CNTN1: variants seen among roughly 807,000 people sequenced by gnomAD.
CNTN1 encodes the protein contactin 1.
In CNTN1, 38 loss-of-function variants were observed where a neutral mutation model predicts 126.4. The ratio of observed to expected loss-of-function variants is 0.30; its 90% CI spans 0.23 to 0.39. The LOEUF is 0.39. CNTN1 is among the 10% of genes least tolerant of loss of function. The pLI, the probability that CNTN1 is intolerant of heterozygous loss-of-function variation, is 1.00. For synonymous variants in CNTN1, 413 were observed against 422.6 expected (o/e 0.98, Z 0.28); for missense variants, 1,009 against 1,248.4 (o/e 0.81, Z 2.89).
intron 1 of CNTN1, among the ~76,000 whole-genome samples, chr12:40,786,815 T>G (rs1250808657): frequency 1.3e-5 from 2 of 152,186 alleles, no homozygotes; most frequent in Non-Finnish European, 2.9e-5. Context: ...GGGATCTATC[T>G]AGAAGATTCC....
intron 23 of CNTN1, among the ~76,000 whole-genome samples, chr12:41,042,844 C>G (rs1044666923): frequency 6.6e-6 from 1 of 151,892 alleles, no homozygotes; most frequent in Non-Finnish European, 1.5e-5. Context: ...GAAATAATGC[C>G]GCATATCTAC....
At chr12:40,851,072 G>A (rs1942699141) in intron 1 of CNTN1, among the ~76,000 whole-genome samples, 1 of 152,172 alleles carries the variant, frequency 6.6e-6, no homozygotes, top group Admixed American at 6.5e-5. Context: ...GATTGGGACT[G>A]TATTTACTGT....
chr12:40,829,161 G>A (rs12580909), intron 1 of CNTN1, among the ~76,000 whole-genome samples: 14,789 of 151,796 alleles, frequency 0.097, 858 homozygotes, highest in Non-Finnish European at 0.13. Flanking sequence ...CATTTCTTTA[G>A]GATGAGAAAA....
At chr12:40,939,619 CTAAGA>C in intron 12 of CNTN1, 134 bp downstream of exon 12, 1 of 890,364 alleles carries the variant, frequency 1.1e-6, no homozygotes, top group Non-Finnish European at 1.8e-6. Flanking sequence ...TCCTGTAGTT[CTAAGA>C]TGGACAGAAA....
At chr12:40,905,468 C>A (rs1271668717) in intron 1 of CNTN1, among the ~76,000 whole-genome samples, 13 of 152,162 alleles carry the variant, frequency 8.5e-5, no homozygotes, top group Admixed American at 8.5e-4. Flanking sequence ...AGCAACACTG[C>A]AGTAGCATCT....
chr12:40,879,066 G>A (rs968494925), intron 1 of CNTN1, among the ~76,000 whole-genome samples: 3 of 152,134 alleles, frequency 2.0e-5, no homozygotes, highest in Non-Finnish European at 4.4e-5. Flanking sequence ...CCCAGCCTTG[G>A]TTTATTCAGA....
chr12:40,947,543 C>T lies in CNTN1; in HGVS notation c.1683+3373C>T, dbSNP rs73277703. Among the ~76,000 whole-genome samples the T allele has an allele frequency of 7.9e-3, 1,202 of 151,862 alleles. 21 individuals carry two copies. Among genetic ancestry groups the T allele is most frequent in the African/African-American group, 0.027 (1,130 of 41,448 alleles). On this transcript the variant is annotated intron_variant, in intron 14 of 23. Coordinates refer to ENST00000551295, the MANE Select transcript of CNTN1 (RefSeq NM_001843.4). ...ATAACTTTTCTTGTTCCAGAAAAGA[C>T]TTAAGACAATCTATCAAAAATATGA...
intron 1 of CNTN1, among the ~76,000 whole-genome samples, chr12:40,711,708 C>T (rs1022018620): frequency 2.0e-5 from 3 of 151,880 alleles, no homozygotes; most frequent in Non-Finnish European, 4.4e-5. Context: ...TCCTACTCTT[C>T]CACCTTTTCT....
intron 1 of CNTN1, among the ~76,000 whole-genome samples, chr12:40,839,655 G>A (rs1055005136): frequency 6.6e-6 from 1 of 152,110 alleles, no homozygotes; most frequent in African/African-American, 2.4e-5. Flanking sequence ...AGTCAAAAAT[G>A]CTATATCCAG....
chr12:40,767,779 C>T (rs1939177395), intron 1 of CNTN1, among the ~76,000 whole-genome samples: 2 of 152,088 alleles, frequency 1.3e-5, no homozygotes, highest in South Asian at 4.1e-4. Flanking sequence ...GAAAAGTTAT[C>T]AAACTGAGAT....
intron 16 of CNTN1, among the ~76,000 whole-genome samples, chr12:40,985,588 T>C (rs1464273773): frequency 6.6e-6 from 1 of 152,198 alleles, no homozygotes; most frequent in East Asian, 1.9e-4. Context: ...ATTGTTTTAA[T>C]CATAATTCCC....
intron 17 of CNTN1, among the ~76,000 whole-genome samples, chr12:41,011,841 A>C (rs1027467989): frequency 2.0e-5 from 3 of 152,182 alleles, no homozygotes; most frequent in African/African-American, 2.4e-5. Flanking sequence ...CTGACTTAAA[A>C]TCCCCTTACT....
At chr12:40,728,080 C>T (rs1942403452) in intron 1 of CNTN1, among the ~76,000 whole-genome samples, 1 of 152,148 alleles carries the variant, frequency 6.6e-6, no homozygotes, top group Non-Finnish European at 1.5e-5. Context: ...GACATTCATA[C>T]TGATTAGTAA....
In CNTN1 at chr12:40,933,450, C is replaced by T. The variant is rs375008317; in HGVS notation, c.704-11C>T. 6.4e-7 allele frequency: 1 copy of T among 1,559,048 alleles called. No individual in the cohort carries two copies. ...ATAATTAGTGGATATTTGTGTTTCT[C>T]TTAATATTAGGAACAACAAAACCAT... is the stretch of plus-strand genomic sequence containing the variant. On this transcript the variant is annotated splice_polypyrimidine_tract_variant and intron_variant, in intron 7 of 23. Coordinates refer to ENST00000551295, the MANE Select transcript of CNTN1 (RefSeq NM_001843.4).
At chr12:40,932,967 C>A (rs572779366) in intron 7 of CNTN1, among the ~76,000 whole-genome samples, 1 of 141,918 alleles carries the variant, frequency 7.0e-6, no homozygotes, top group African/African-American at 2.5e-5. Flanking sequence ...GCTGTGTTGT[C>A]TGAGTAAATG....
chr12:41,021,830 G>A (rs193254644), intron 20 of CNTN1, among the ~76,000 whole-genome samples: 1 of 152,158 alleles, frequency 6.6e-6, no homozygotes, highest in East Asian at 1.9e-4. Context: ...AGGAAAGAGA[G>A]AAATTCACTA....
intron 21 of CNTN1, 74 bp downstream of exon 21, chr12:41,025,410 A>C: frequency 5.4e-6 from 8 of 1,480,952 alleles, no homozygotes; most frequent in Non-Finnish European, 7.5e-6. Flanking sequence ...ATATATTTGA[A>C]GGAAATTTCC....
chr12:41,005,531 G>A (rs958429985), intron 17 of CNTN1, among the ~76,000 whole-genome samples: 1 of 152,166 alleles, frequency 6.6e-6, no homozygotes, highest in South Asian at 2.1e-4. Context: ...TGGTTTCCAA[G>A]TTAGTTCCAT....
intron 1 of CNTN1, among the ~76,000 whole-genome samples, chr12:40,825,578 G>T (rs1029865708): frequency 6.6e-6 from 1 of 152,146 alleles, no homozygotes; most frequent in Non-Finnish European, 1.5e-5. Flanking sequence ...CATTTGGAAA[G>T]ATCGTTTAAG....
Sources: allele counts gnomAD v4.1 joint callset (sites outside exome capture counted in the v4.1 genomes callset), GRCh38; gene constraint gnomAD v4.1.1; transcripts MANE v1.5; gene names NCBI Gene and HGNC (gene_info 2026-07-23, HGNC 2026-07-21).